GRIK3: variants seen among roughly 807,000 people sequenced by gnomAD.
GRIK3 encodes glutamate receptor ionotropic, kainate 3.
In GRIK3, 29 loss-of-function variants were observed where a neutral mutation model predicts 102.5. That is an observed-to-expected ratio of 0.28 (90% CI 0.21 to 0.39). GRIK3 has a LOEUF of 0.39. GRIK3 is among the 10% of genes least tolerant of loss of function. The probability of loss-of-function intolerance (pLI) is 1.00; values close to 1 mark genes in which losing one functional copy is unlikely to be tolerated. For missense variants in GRIK3, 908 were observed against 1,252.4 expected (o/e 0.73, Z 4.15); for synonymous variants, 511 against 504.9 (o/e 1.01, Z -0.16).
chr1:36,957,397 CTGTGCCCCGTGAGCCTGTGT>C (rs1641925211), intron 1 of GRIK3, among the ~76,000 whole-genome samples: 4 of 140,978 alleles, frequency 2.8e-5, no homozygotes, highest in East Asian at 2.2e-4. Context: ...CTCTGTGAAT[CTGTGCCCCGTGAGCCTGTGT>C]GCCCCATGAG....
At chr1:36,839,886 T>C (rs1300062756) in intron 10 of GRIK3, among the ~76,000 whole-genome samples, 1 of 152,132 alleles carries the variant, frequency 6.6e-6, no homozygotes, top group Non-Finnish European at 1.5e-5. Context: ...CCCTCCCCAC[T>C]TGCGACCTCC....
rs1252362580 is a variant in GRIK3 at position 36,850,943 on chromosome 1, G to A, written c.1213-519C>T. ...TAAAACTGGCAGACACACAGACTAA[G>A]GTAGAATAATCTCTCTCTCTACAGC... On this transcript the variant is annotated intron_variant, in intron 8 of 15. Coordinates refer to ENST00000373091, the MANE Select transcript of GRIK3 (RefSeq NM_000831.4). The surrounding 1 kb of genome is among the most constrained non-coding windows in gnomAD (Gnocchi z 4.0). 1.3e-5 allele frequency among the ~76,000 whole-genome samples: 2 copies of A among 152,234 alleles called. No homozygotes were observed. The highest frequency in any genetic ancestry group is 2.9e-5 in the Non-Finnish European group (2 of 68,042).
intron 11 of GRIK3, among the ~76,000 whole-genome samples, chr1:36,820,661 A>C (rs1642686020): frequency 6.6e-6 from 1 of 152,214 alleles, no homozygotes; most frequent in South Asian, 2.1e-4. Flanking sequence ...AAAACGGAAA[A>C]AAAGCAGAAG....
At chr1:36,957,558 GTGTGCTCTGTGAGTC>G (rs1641933967) in intron 1 of GRIK3, among the ~76,000 whole-genome samples, 3 of 120,718 alleles carry the variant, frequency 2.5e-5, no homozygotes, top group African/African-American at 6.4e-5. Flanking sequence ...CCGTGAGCCT[GTGTGCTCTGTGAGTC>G]TGTGCCCTGT....
rs749133539 is a variant in GRIK3, at chr1:36,859,249, A to G, written c.963T>C (p.Thr321=). 3.6e-5 allele frequency: 58 copies of G among 1,605,030 alleles called. No individual in the cohort carries two copies. The highest frequency in any genetic ancestry group is 1.5e-4 in the Admixed American group (9 of 59,560). Residue 321 remains threonine, a splice_region_variant and synonymous_variant, in exon 7 of 16, where the codon ACT becomes ACC. Coordinates refer to ENST00000373091, the MANE Select transcript of GRIK3 (RefSeq NM_000831.4). ...CGGCGTCGTACAGTAAGGCTGCATC[A>G]GTCTGCAGGGAAGGGCCTGCCTGAG... ...ESGLLDGVMM[T]DAALLYDAVH... is the part of the protein sequence containing the mutation.
At chr1:36,914,775 A>G (rs1035951227) in intron 1 of GRIK3, among the ~76,000 whole-genome samples, 1 of 152,232 alleles carries the variant, frequency 6.6e-6, no homozygotes, top group African/African-American at 2.4e-5. Flanking sequence ...ATTCTGAGGC[A>G]TCAGTGACCG....
chr1:36,973,965 T>C (rs974353427), intron 1 of GRIK3, among the ~76,000 whole-genome samples: 3 of 152,132 alleles, frequency 2.0e-5, no homozygotes, highest in Admixed American at 2.0e-4. Flanking sequence ...ATAATGGGTG[T>C]TGGAAATTGC....
intron 1 of GRIK3, among the ~76,000 whole-genome samples, chr1:36,897,364 G>A (rs982091786): frequency 6.6e-6 from 1 of 152,022 alleles, no homozygotes; most frequent in Non-Finnish European, 1.5e-5. Flanking sequence ...ATCTGAAAAG[G>A]ATATCACAAA....
intron 1 of GRIK3, among the ~76,000 whole-genome samples, chr1:36,965,215 C>T (rs1393125086): frequency 6.6e-6 from 1 of 152,150 alleles, no homozygotes; most frequent in Non-Finnish European, 1.5e-5. Context: ...CCAAAGTCCT[C>T]GCGGGCTGAA....
At chr1:36,813,161 C>T (rs999822400) in intron 13 of GRIK3, among the ~76,000 whole-genome samples, 1 of 152,192 alleles carries the variant, frequency 6.6e-6, no homozygotes. Context: ...CCCAGCTCTG[C>T]ATTTCACTAG....
chr1:36,908,131 C>T (rs370310138), intron 1 of GRIK3, among the ~76,000 whole-genome samples: 9 of 152,224 alleles, frequency 5.9e-5, no homozygotes, highest in African/African-American at 2.2e-4. Context: ...CTCTGCCCAA[C>T]TCCGTCCTCT....
intron 5 of GRIK3, among the ~76,000 whole-genome samples, chr1:36,869,418 C>T (rs1347651778): frequency 1.3e-5 from 2 of 152,146 alleles, no homozygotes; most frequent in Non-Finnish European, 1.5e-5. Context: ...ATTTGGTGCT[C>T]ACAGTAATCC....
rs1642377441 is a variant in GRIK3, at chr1:36,797,270, T to C, written c.*4581A>G. The C allele has an allele frequency of 6.6e-6, 1 of 151,432 alleles. No homozygotes were observed. Among genetic ancestry groups the C allele is most frequent in the South Asian group, 2.1e-4 (1 of 4,816 alleles). 9.4% of individuals were successfully genotyped at this position (151,432 alleles called of 1,614,324 possible). Reference sequence around the variant, plus strand: ...TTGTATACACATGGGCTACAGGTCATATATACACTGTGCATATATATATAT... The same window carrying C: ...TTGTATACACATGGGCTACAGGTCACATATACACTGTGCATATATATATAT... On this transcript the variant is annotated 3_prime_UTR_variant, in exon 16 of 16. Transcript: ENST00000373091.
intron 1 of GRIK3, among the ~76,000 whole-genome samples, chr1:37,013,930 C>T (rs1225820547): frequency 2.0e-5 from 3 of 152,220 alleles, no homozygotes; most frequent in African/African-American, 7.2e-5. Flanking sequence ...GAATGCCTTG[C>T]CCCAGCCCCT....
chr1:36,938,836 AC>A (rs760927271), intron 1 of GRIK3, among the ~76,000 whole-genome samples: 2 of 152,178 alleles, frequency 1.3e-5, no homozygotes, highest in Non-Finnish European at 1.5e-5. Context: ...GAGGGAGAAG[AC>A]ATTTTCTCTC....
intron 1 of GRIK3, among the ~76,000 whole-genome samples, chr1:36,911,919 G>A (rs1367675997): frequency 1.3e-5 from 2 of 152,030 alleles, no homozygotes; most frequent in African/African-American, 2.4e-5. Flanking sequence ...CCACCTCCGC[G>A]GTCAGTCAGC....
intron 9 of GRIK3, among the ~76,000 whole-genome samples, chr1:36,843,251 T>C (rs904897): frequency 0.16 from 24,255 of 152,038 alleles, 2,066 homozygotes; most frequent in African/African-American, 0.21. Context: ...GTCCACGCTT[T>C]TGCCGGCACC....
intron 9 of GRIK3, among the ~76,000 whole-genome samples, chr1:36,846,967 C>A (rs1474042486): frequency 6.6e-6 from 1 of 152,240 alleles, no homozygotes; most frequent in Non-Finnish European, 1.5e-5. Flanking sequence ...GTCATTCCCT[C>A]CATTCCCCTG....
intron 1 of GRIK3, among the ~76,000 whole-genome samples, chr1:37,021,706 G>A (rs1642716557): frequency 1.3e-5 from 2 of 152,180 alleles, no homozygotes; most frequent in South Asian, 4.1e-4. Flanking sequence ...CCCCAGGGAG[G>A]GAAGCAAGAA....
Sources: allele counts gnomAD v4.1 joint callset (sites outside exome capture counted in the v4.1 genomes callset), GRCh38; gene constraint gnomAD v4.1.1; non-coding constraint Gnocchi (gnomAD v3.1); transcripts MANE v1.5; gene names NCBI Gene and HGNC (gene_info 2026-07-23, HGNC 2026-07-21).